Variants in BMS1 observed in about 807,000 individuals in gnomAD.
BMS1 encodes ribosome biogenesis protein BMS1 homolog.
A neutral mutation model predicts 138.7 loss-of-function variants in BMS1; 53 were observed. The ratio of observed to expected loss-of-function variants is 0.38; its 90% confidence interval spans 0.31 to 0.48. The LOEUF (loss-of-function observed/expected upper bound fraction) is 0.48, where lower values mean the gene tolerates loss of function less well. Ranked by LOEUF, BMS1 falls within the 20% of genes least tolerant of loss-of-function variation. The pLI is 0.97. For synonymous variants in BMS1, 504 were observed against 539.9 expected (o/e 0.93, Z 0.92); for missense variants, 1,360 against 1,565.5 (o/e 0.87, Z 2.22).
chr10:42,787,367 A>G lies in BMS1; in HGVS notation c.447+120A>G. 4 of 812,890 alleles carry G rather than the reference A, an allele frequency of 4.9e-6. No individual in the cohort carries two copies. The South Asian group carries it at 5.6e-5, about 11-fold the overall frequency. The allele number at this position is 812,890 out of a possible 1,614,324, so 50.4% of individuals were successfully genotyped here. On this transcript the variant is annotated intron_variant, in intron 4 of 22. Coordinates refer to ENST00000374518, the MANE Select transcript of BMS1 (RefSeq NM_014753.4). ...TATTAAAAGAATCATGGTCATCATC[A>G]GTGATACGGTAGATATGATTGAATT...
In BMS1 at chr10:42,798,725, A is replaced by C. The variant is rs17158190; in HGVS notation, c.2247+100A>C. On this transcript the variant is annotated intron_variant, in intron 12 of 22. Transcript: ENST00000374518. ...ATTGCTTACCTGTTGTTGGCTTCTT[A>C]TTTTTACAGGATTACAGGTCATTCT... 1,659 of 1,482,310 alleles carry C rather than the reference A, an allele frequency of 1.1e-3. 15 individuals are homozygous for C. In the African/African-American group the frequency reaches 0.021, roughly 18 times the overall value. The allele number at this position is 1,482,310 out of a possible 1,614,324, so 91.8% of individuals were successfully genotyped here. A position where few individuals can be genotyped will look rare whatever the true frequency, so the allele number is the denominator to read the frequency against.
At position 42,822,076 on chromosome 10, in the gene BMS1, A is replaced by G. The variant is rs1842518015; in HGVS notation, c.3024A>G (p.Ile1008Met). 1 of 1,594,066 alleles carries G rather than the reference A, an allele frequency of 6.3e-7. No homozygotes were observed. The highest frequency in any genetic ancestry group is 1.1e-5 in the South Asian group (1 of 90,950). The change falls in exon 19 of 23, where the codon ATA (isoleucine) becomes ATG (methionine). Residue 1008 changes from isoleucine to methionine, a missense_variant. This residue lies in a region of BMS1 where 425 missense variants were observed against 568.3 expected (regional missense o/e 0.75). Transcript: ENST00000374518. ...SVSGIMPDFRIAATGVVLDLD... is the reference protein window; with the variant it reads ...SVSGIMPDFRMAATGVVLDLD... ...GTTCCTGTTAGCCTGATTTTCGGAT[A>G]GCTGCTACAGGAGTTGTCCTTGATC... is the stretch of plus-strand genomic sequence containing the variant.
chr10:42,811,725 C>T (rs970002778), intron 13 of BMS1, among the ~76,000 whole-genome samples: 6 of 149,700 alleles, frequency 4.0e-5, no homozygotes, highest in Admixed American at 6.6e-5. Context: ...GGGGTTTCAC[C>T]GTTTTAGCCG....
rs774694970 is a variant in BMS1 at position 42,790,373 on chromosome 10, G to A, written c.498G>A (p.Glu166=). 53 of 1,613,880 alleles carry A rather than the reference G, an allele frequency of 3.3e-5. No individual in the cohort carries two copies. In the South Asian group the frequency reaches 5.7e-4, roughly 17 times the overall value. Residue 166 remains glutamate, a synonymous_variant, in exon 5 of 23, where the codon GAG becomes GAA. Coordinates refer to ENST00000374518, the MANE Select transcript of BMS1 (RefSeq NM_014753.4). ...ASFGFEMETF[E]FLNICQVHGF... ...TTGGGTTTGAAATGGAAACGTTTGAGTTTCTAAACATCTGTCAAGTACATG... is the reference window on the plus strand; with the variant it reads ...TTGGGTTTGAAATGGAAACGTTTGAATTTCTAAACATCTGTCAAGTACATG...
At chr10:42,788,824 A>G (rs1232486791) in intron 4 of BMS1, among the ~76,000 whole-genome samples, 1 of 152,240 alleles carries the variant, frequency 6.6e-6, no homozygotes, top group Admixed American at 6.5e-5. Context: ...GCAGAGCAGT[A>G]TCCTTTTAGA....
At chr10:42,810,891 C>A (rs566821363) in intron 13 of BMS1, among the ~76,000 whole-genome samples, 1 of 151,994 alleles carries the variant, frequency 6.6e-6, no homozygotes, top group African/African-American at 2.4e-5. Flanking sequence ...CTGTTTTATT[C>A]GTGATGTTGT....
chr10:42,795,460 C>T (rs1417705080), intron 9 of BMS1, among the ~76,000 whole-genome samples: 3 of 151,584 alleles, frequency 2.0e-5, no homozygotes, highest in Non-Finnish European at 4.4e-5. Context: ...GCTGGGACTA[C>T]AGGAGTGCGC....
intron 13 of BMS1, among the ~76,000 whole-genome samples, chr10:42,810,688 C>T (rs113854603): frequency 0.11 from 16,075 of 152,026 alleles, 1,019 homozygotes; most frequent in African/African-American, 0.17. Context: ...GGTTATAGGA[C>T]GATTCAGATT....
At chr10:42,817,190 T>A (rs1248408386) in intron 14 of BMS1, 128 bp from the exon 15 acceptor site, 2 of 763,794 alleles carry the variant, frequency 2.6e-6, no homozygotes, top group Non-Finnish European at 4.2e-6. Context: ...TGTGTTTTCT[T>A]TTGTTTTATT....
Position 42,793,256 on chromosome 10 carries a change from T to C in BMS1, c.1089+112T>C, listed in dbSNP as rs913335673. ...TTTTATTTATTGAAGATTTTTCTCT[T>C]GTACTTATAATAAAGGCCCAAATGC... On this transcript the variant is annotated intron_variant, in intron 8 of 22. Coordinates refer to ENST00000374518, the MANE Select transcript of BMS1 (RefSeq NM_014753.4). The C allele has an allele frequency of 2.9e-5, 34 of 1,158,456 alleles. No homozygotes were observed. The Admixed American group carries it at 8.5e-4, about 29-fold the overall frequency. The allele number at this position is 1,158,456 out of a possible 1,614,324, so 71.8% of individuals were successfully genotyped here.
rs1013003386 is a variant in BMS1, at chr10:42,792,416, A to G, written c.780-77A>G. ...GACGTGCTTAATGGACAAGAGTGTG[A>G]TGAATCATTGACACATGAAAGGAGG... is the stretch of plus-strand genomic sequence containing the variant. On this transcript the variant is annotated intron_variant, in intron 6 of 22. Coordinates refer to ENST00000374518, the MANE Select transcript of BMS1 (RefSeq NM_014753.4). 18 of 1,557,354 alleles carry G rather than the reference A, an allele frequency of 1.2e-5. No individual in the cohort carries two copies. In the African/African-American group the frequency reaches 1.9e-4, roughly 17 times the overall value.
rs772052065 is a variant in BMS1, at chr10:42,823,207, A to G, written c.3222A>G (p.Ala1074=). ...GGATAAGGGGGCAGATCAAGAAAGC[A>G]CTCCGAGCTCCAGAAGGAGCTTTCA... ...VSGIRGQIKK[A]LRAPEGAFRA... Residue 1074 remains alanine, a synonymous_variant, in exon 20 of 23, where the codon GCA becomes GCG. Transcript: ENST00000374518. 6.2e-7 allele frequency: 1 copy of G among 1,606,726 alleles called. No individual in the cohort carries two copies. The highest frequency in any genetic ancestry group is 1.1e-5 in the South Asian group (1 of 89,962).
intron 7 of BMS1, 40 bp from the exon 8 acceptor site, chr10:42,792,917 T>A: frequency 6.3e-7 from 1 of 1,585,718 alleles, no homozygotes; most frequent in Non-Finnish European, 8.6e-7. Flanking sequence ...GCTTCTGACT[T>A]CTTGTCAGCT....
At chr10:42,830,233 A>G (rs1338382652) in intron 21 of BMS1, 28 bp from the exon 22 acceptor site, 1 of 1,603,070 alleles carries the variant, frequency 6.2e-7, no homozygotes, top group Non-Finnish European at 8.5e-7. Context: ...TAATTTGAAT[A>G]TGTCACAGTC....
chr10:42,810,954 T>C (rs1260336654), intron 13 of BMS1, among the ~76,000 whole-genome samples: 1 of 152,212 alleles, frequency 6.6e-6, no homozygotes, highest in Non-Finnish European at 1.5e-5. Context: ...TTAATTTTGT[T>C]GATTCTATTC....
chr10:42,798,030 C>T (rs1280351822), intron 11 of BMS1, among the ~76,000 whole-genome samples: 1 of 152,192 alleles, frequency 6.6e-6, no homozygotes, highest in African/African-American at 2.4e-5. Flanking sequence ...ATCAAGGCCA[C>T]ATGGTGAGAC....
At chr10:42,805,948 C>T (rs1841999811) in intron 13 of BMS1, among the ~76,000 whole-genome samples, 1 of 152,114 alleles carries the variant, frequency 6.6e-6, no homozygotes, top group South Asian at 2.1e-4. Context: ...TACAGGCAGC[C>T]ATTATCACGC....
intron 12 of BMS1, among the ~76,000 whole-genome samples, chr10:42,798,988 A>G (rs1443194483): frequency 1.3e-5 from 2 of 152,230 alleles, no homozygotes; most frequent in Admixed American, 6.5e-5. Flanking sequence ...ATTTGTAAGC[A>G]TAGAGAAATC....
chr10:42,802,071 A>G (rs1841889525), intron 12 of BMS1, 66 bp from the exon 13 acceptor site: 4 of 1,311,242 alleles, frequency 3.1e-6, no homozygotes, highest in Non-Finnish European at 4.3e-6. Flanking sequence ...ACCTACTGCC[A>G]TTTCTTAGAG....
Sources: allele counts gnomAD v4.1 joint callset (sites outside exome capture counted in the v4.1 genomes callset), GRCh38; gene constraint gnomAD v4.1.1; regional missense constraint gnomAD v4.1.1; transcripts MANE v1.5; gene names NCBI Gene and HGNC (gene_info 2026-07-23, HGNC 2026-07-21).